The following SYNJ2 variants were observed in gnomAD, a reference collection of about 807,000 sequenced individuals.
SYNJ2 encodes polyphosphatidylinositol phosphatase SYNJ2.
Under a neutral mutation model 141.3 loss-of-function variants are expected in SYNJ2, and 116 were observed. The observed-to-expected ratio is 0.82, with a 90% CI of 0.71 to 0.96. The LOEUF is 0.96. Among genes scored for constraint, SYNJ2 ranks in the 40% least tolerant of loss-of-function variants. SYNJ2 has a pLI of 0.00. For missense variants in SYNJ2, 1,873 were observed against 1,934.8 expected (o/e 0.97, Z 0.60); for synonymous variants, 745 against 777.7 (o/e 0.96, Z 0.70).
intron 2 of SYNJ2, among the ~76,000 whole-genome samples, chr6:158,023,753 A>G (rs536660876): frequency 1.5e-4 from 23 of 152,342 alleles, no homozygotes; most frequent in African/African-American, 5.5e-4. Flanking sequence ...GCTTGTCAAC[A>G]GCATTGCAAT....
At chr6:158,036,461 T>C (rs1241292217) in intron 4 of SYNJ2, among the ~76,000 whole-genome samples, 4 of 152,200 alleles carry the variant, frequency 2.6e-5, no homozygotes, top group Admixed American at 2.6e-4. Context: ...TCGTGTCCTT[T>C]CCAGCAACAC....
chr6:158,035,179 C>T (rs1481727375), intron 4 of SYNJ2, among the ~76,000 whole-genome samples: 1 of 152,128 alleles, frequency 6.6e-6, no homozygotes, highest in East Asian at 1.9e-4. Flanking sequence ...TTTTTGGTTC[C>T]ATATGAATTT....
intron 26 of SYNJ2, chr6:158,093,906 T>C (rs774612711): frequency 2.2e-5 from 17 of 765,226 alleles, no homozygotes; most frequent in South Asian, 2.1e-4. Flanking sequence ...TTGCTCTCGC[T>C]CTCAAGCTTC....
Position 158,076,710 on chromosome 6 carries a change from G to A in SYNJ2, c.2377G>A (p.Asp793Asn), listed in dbSNP as rs769796714. 5.0e-6 allele frequency: 8 copies of A among 1,614,074 alleles called. No individual in the cohort carries two copies. Among genetic ancestry groups the A allele is most frequent in the South Asian group, 1.1e-5 (1 of 91,072 alleles). The change falls in exon 17 of 27, where the codon GAC becomes AAC. Residue 793 changes from aspartate to asparagine, a missense_variant. Transcript: ENST00000355585. ...DVGSAAYDTS[D>N]KCRTPAWTDR... The stretch of plus-strand genomic sequence containing the variant: ...TGGCTCAGCCGCCTACGATACAAGC[G>A]ACAAATGCCGCACCCCCGCCTGGAC...
rs1218177447 is a variant in SYNJ2, at chr6:158,096,399, G to A, written c.*35G>A. 2 of 1,537,612 alleles carry A rather than the reference G, an allele frequency of 1.3e-6. No individual in the cohort carries two copies. The highest frequency in any genetic ancestry group is 2.1e-5 in the Admixed American group (1 of 48,538). On this transcript the variant is annotated 3_prime_UTR_variant, in exon 27 of 27. Coordinates refer to ENST00000355585, the MANE Select transcript of SYNJ2 (RefSeq NM_003898.4). Reference sequence around the variant, plus strand: ...TTTGAAGGCTGCAGTCCTATAGAATGCATACCTTCCTCCCTCTAGACATCC... The same window carrying A: ...TTTGAAGGCTGCAGTCCTATAGAATACATACCTTCCTCCCTCTAGACATCC...
Position 158,011,018 on chromosome 6 carries a change from A to G in SYNJ2, c.128-6186A>G, listed in dbSNP as rs149331096. Among the ~76,000 whole-genome samples the G allele has an allele frequency of 1.2e-4, 18 of 148,530 alleles. No individual in the cohort carries two copies. In the East Asian group the frequency reaches 3.7e-3, roughly 30 times the overall value. On this transcript the variant is annotated intron_variant, in intron 1 of 26. Coordinates refer to ENST00000355585, the MANE Select transcript of SYNJ2 (RefSeq NM_003898.4). The stretch of plus-strand genomic sequence containing the variant: ...GGACATGTGGGGAGAGAATGGCCAC[A>G]TAATGGTGGGGGGACACATGGAGAG...
chr6:158,083,149 T>A (rs536196663), intron 20 of SYNJ2, among the ~76,000 whole-genome samples: 1 of 152,174 alleles, frequency 6.6e-6, no homozygotes, highest in Non-Finnish European at 1.5e-5. Flanking sequence ...GTCAGGCTGG[T>A]CTCAAACTCC....
intron 1 of SYNJ2, among the ~76,000 whole-genome samples, chr6:158,011,638 T>C (rs1385064972): frequency 6.6e-6 from 1 of 152,224 alleles, no homozygotes; most frequent in Non-Finnish European, 1.5e-5. Flanking sequence ...AGTCCACGCC[T>C]GTCATCTGTA....
In SYNJ2 at chr6:158,071,900, C is replaced by G. The variant is rs1781951868; in HGVS notation, c.2133+106C>G. 7.5e-7 allele frequency: 1 copy of G among 1,326,872 alleles called. No homozygotes were observed. Among genetic ancestry groups the G allele is most frequent in the African/African-American group, 1.5e-5 (1 of 68,186 alleles). 82.2% of individuals were successfully genotyped at this position (1,326,872 alleles called of 1,614,324 possible). A position where few individuals can be genotyped will look rare whatever the true frequency, so the allele number is the denominator to read the frequency against. On this transcript the variant is annotated intron_variant, in intron 15 of 26. Transcript: ENST00000355585. This position sits in a 1 kb window ranked among gnomAD's most constrained non-coding sequence, Gnocchi z 4.3. ...GGGGACACAACCACAGGGAGGGCCCCTTCCTGGAGGGCTCAGCGCTGGGGG... is the reference window on the plus strand; with the variant it reads ...GGGGACACAACCACAGGGAGGGCCCGTTCCTGGAGGGCTCAGCGCTGGGGG...
intron 7 of SYNJ2, among the ~76,000 whole-genome samples, chr6:158,061,093 A>T (rs546837565): frequency 6.6e-6 from 1 of 152,232 alleles, no homozygotes; most frequent in Non-Finnish European, 1.5e-5. Context: ...TTGCTTGATG[A>T]TGGCAGCACT....
intron 13 of SYNJ2, among the ~76,000 whole-genome samples, 160 bp from the exon 14 acceptor site, chr6:158,069,373 C>A (rs1177917521): frequency 6.6e-6 from 1 of 152,090 alleles, no homozygotes; most frequent in African/African-American, 2.4e-5. Context: ...ACACGCAGAT[C>A]CTCCAGTAGA....
At chr6:158,011,171 G>A (rs937186538) in intron 1 of SYNJ2, among the ~76,000 whole-genome samples, 7 of 152,122 alleles carry the variant, frequency 4.6e-5, no homozygotes, top group African/African-American at 1.2e-4. Context: ...ATTGCCACGC[G>A]ACGACGGAGG....
At position 157,982,150 on chromosome 6, in the gene SYNJ2, G is replaced by A. The variant is rs1246770635; in HGVS notation, c.127+62G>A. 7.8e-7 allele frequency: 1 copy of A among 1,279,566 alleles called. No individual in the cohort carries two copies. The highest frequency in any genetic ancestry group is 9.9e-7 in the Non-Finnish European group (1 of 1,012,190). 79.3% of individuals were successfully genotyped at this position (1,279,566 alleles called of 1,614,324 possible). A position where few individuals can be genotyped will look rare whatever the true frequency, so the allele number is the denominator to read the frequency against. On this transcript the variant is annotated intron_variant, in intron 1 of 26. Coordinates refer to ENST00000355585, the MANE Select transcript of SYNJ2 (RefSeq NM_003898.4). The surrounding 1 kb of genome is among the most constrained non-coding windows in gnomAD (Gnocchi z 4.0). ...AGGGCGCCCGCATTCGCCCAGCCTC[G>A]GGAAGACGGGTACCCCCCCTTCCCG...
rs754937513 is a variant in SYNJ2, at chr6:158,095,603, C to T, written c.3745-15C>T. The T allele has an allele frequency of 3.8e-6, 6 of 1,573,520 alleles. No individual in the cohort carries two copies. The highest frequency in any genetic ancestry group is 1.2e-5 in the South Asian group (1 of 84,044). On this transcript the variant is annotated splice_polypyrimidine_tract_variant and intron_variant, in intron 26 of 26. Transcript: ENST00000355585. ...TTGGCTTCTTATTTACACTCTTTGT[C>T]CCACCTTTTCTCAGCCCCTGTCACC...
chr6:157,999,742 T>C (rs928178636), intron 1 of SYNJ2, among the ~76,000 whole-genome samples: 1 of 152,200 alleles, frequency 6.6e-6, no homozygotes, highest in African/African-American at 2.4e-5. Context: ...AGGAAGCCCC[T>C]GGCAGGAGTC....
In SYNJ2 at chr6:158,033,514, T is replaced by C; in HGVS notation, c.545T>C (p.Leu182Pro). ...QHQVSCCDWL[L>P]KIICGVVTIR... The stretch of plus-strand genomic sequence containing the variant: ...CAGGTGAGCTGCTGTGACTGGCTGC[T>C]GAAGATCATCTGCGGGGTGGTCACC... The change falls in exon 4 of 27, where the codon CTG becomes CCG. Residue 182 changes from leucine to proline, a missense_variant. Physicochemically the swap from Leu to Pro is moderately conservative, Grantham distance 98 (BLOSUM62 -3). Transcript: ENST00000355585. 6.2e-7 allele frequency: 1 copy of C among 1,614,216 alleles called. No homozygotes were observed. Among genetic ancestry groups the C allele is most frequent in the Non-Finnish European group, 8.5e-7 (1 of 1,180,040 alleles).
intron 1 of SYNJ2, among the ~76,000 whole-genome samples, chr6:158,013,368 G>C (rs902402723): frequency 6.6e-6 from 1 of 152,018 alleles, no homozygotes; most frequent in Non-Finnish European, 1.5e-5. Flanking sequence ...GCAACACAGC[G>C]AGACTGTCAA....
chr6:158,078,579 C>T (rs1360540136), intron 18 of SYNJ2: 4 of 226,100 alleles, frequency 1.8e-5, no homozygotes, highest in East Asian at 1.1e-4. Context: ...TAAATGATGT[C>T]GTTGTGCAAC....
At chr6:158,053,535 TTCACCCATCTG>T (rs1347996417) in intron 5 of SYNJ2, among the ~76,000 whole-genome samples, 3 of 150,700 alleles carry the variant, frequency 2.0e-5, no homozygotes, top group Non-Finnish European at 4.4e-5. Flanking sequence ...TGCACACTGA[TTCACCCATCTG>T]TCACCCATTA....
Sources: gnomAD v4.1 joint callset for allele counts (sites outside exome capture counted in the v4.1 genomes callset) on GRCh38, gnomAD v4.1.1 for gene constraint, Gnocchi (gnomAD v3.1) non-coding constraint, MANE v1.5 for transcripts, NCBI Gene and HGNC (gene_info 2026-07-23, HGNC 2026-07-21) for gene names.